RNF150: variants seen among roughly 807,000 people sequenced by gnomAD.
RNF150 encodes the protein ring finger protein 150.
RNF150 carries 24 observed loss-of-function variants against 39.3 expected under a neutral mutation model. That is an observed-to-expected ratio of 0.61 (90% confidence interval 0.44 to 0.86). RNF150 has a LOEUF of 0.86. Ranked by LOEUF, RNF150 falls within the 40% of genes least tolerant of loss-of-function variation. The pLI is 0.00. For synonymous variants in RNF150, 255 were observed against 227.3 expected, an observed-to-expected ratio of 1.12 and a Z score of -1.10; for missense variants, 502 against 587.8, an observed-to-expected ratio of 0.85 and a Z score of 1.51.
At chr4:141,008,185 T>C (rs1009254118) in intron 1 of RNF150, among the ~76,000 whole-genome samples, 2 of 152,258 alleles carry the variant, frequency 1.3e-5, no homozygotes, top group East Asian at 1.9e-4. Context: ...TTTCAATGTA[T>C]ACTTGAAAAT....
chr4:140,943,306 A>G (rs1732159025), intron 4 of RNF150, among the ~76,000 whole-genome samples: 1 of 152,254 alleles, frequency 6.6e-6, no homozygotes, highest in South Asian at 2.1e-4. Flanking sequence ...TGAAAAGAAC[A>G]GGATAGTAAA....
intron 1 of RNF150, among the ~76,000 whole-genome samples, chr4:140,999,972 GAAGAAAAGAAGAAAAGAA>G (rs1734545543): frequency 3.3e-5 from 1 of 30,010 alleles, no homozygotes; most frequent in Admixed American, 6.4e-4. Context: ...AGAAGAAGAA[GAAGAAAAGAAGAAAAGAA>G]GAAAAGAAGA....
chr4:141,059,482 T>A (rs1737126495), intron 1 of RNF150, among the ~76,000 whole-genome samples: 1 of 152,200 alleles, frequency 6.6e-6, no homozygotes, highest in South Asian at 2.1e-4. Flanking sequence ...TGTGCTTGAA[T>A]CAGAAGTTTG....
intron 1 of RNF150, among the ~76,000 whole-genome samples, chr4:141,184,875 G>T (rs1560771987): frequency 6.6e-6 from 1 of 151,514 alleles, no homozygotes; most frequent in African/African-American, 2.4e-5. Flanking sequence ...ATCTGTGTGT[G>T]TGTGTGTGTG....
At chr4:141,082,902 A>G (rs1053545309) in intron 1 of RNF150, among the ~76,000 whole-genome samples, 2 of 152,220 alleles carry the variant, frequency 1.3e-5, no homozygotes, top group Non-Finnish European at 2.9e-5. Context: ...TATCATGCCC[A>G]ATATATTTCT....
Position 140,860,074 on chromosome 4 carries a change from G to T in RNF150, c.*8187C>A, listed in dbSNP as rs1431688337. On this transcript the variant is annotated 3_prime_UTR_variant, in exon 7 of 7. Transcript: ENST00000515673. ...ACGCTCTCCAAGTACAAAGAGAATA[G>T]AATAAAGCAAAATAAAAGTCTGTGT... 6.7e-6 allele frequency: 1 copy of T among 149,726 alleles called. No individual in the cohort carries two copies. Among genetic ancestry groups the T allele is most frequent in the Non-Finnish European group, 1.5e-5 (1 of 67,586 alleles). The allele number at this position is 149,726 out of a possible 1,614,324, so 9.3% of individuals were successfully genotyped here. A position where few individuals can be genotyped will look rare whatever the true frequency, so the allele number is the denominator to read the frequency against.
At chr4:140,896,247 T>C (rs1332960027) in intron 6 of RNF150, among the ~76,000 whole-genome samples, 3 of 14,670 alleles carry the variant, frequency 2.0e-4, no homozygotes, top group African/African-American at 8.0e-4. Context: ...CGTATGTTTA[T>C]TGCGGCACTA....
At chr4:141,154,780 T>C (rs62324940) in intron 1 of RNF150, among the ~76,000 whole-genome samples, 1 of 152,072 alleles carries the variant, frequency 6.6e-6, no homozygotes, top group Non-Finnish European at 1.5e-5. Flanking sequence ...AGAACACAAA[T>C]TGGTAGAGAT....
intron 1 of RNF150, among the ~76,000 whole-genome samples, chr4:141,003,293 C>T (rs1483285384): frequency 6.6e-6 from 1 of 152,080 alleles, no homozygotes; most frequent in Non-Finnish European, 1.5e-5. Context: ...TGGAAAAGTA[C>T]ATGTACTCGT....
rs147436589 is a variant in RNF150, at chr4:141,003,790, T to G, written c.485-35917A>C. 2.6e-4 allele frequency among the ~76,000 whole-genome samples: 40 copies of G among 152,262 alleles called. No homozygotes were observed. In the East Asian group the frequency reaches 6.9e-3, roughly 26 times the overall value. On this transcript the variant is annotated intron_variant, in intron 1 of 6. Transcript: ENST00000515673. ...ATAGAAGTTAAGAATTTTATCCCCA[T>G]TTTTGCCCAGCACTCTATTTACATT...
intron 1 of RNF150, among the ~76,000 whole-genome samples, chr4:141,094,985 A>C (rs936570668): frequency 1.4e-4 from 21 of 152,230 alleles, no homozygotes; most frequent in African/African-American, 4.6e-4. Context: ...TTCCCACTTA[A>C]CAACGAGAAA....
At chr4:140,985,896 A>C (rs758868531) in intron 1 of RNF150, among the ~76,000 whole-genome samples, 7 of 152,110 alleles carry the variant, frequency 4.6e-5, no homozygotes, top group Non-Finnish European at 1.0e-4. Context: ...AGAACTGTTC[A>C]GTCAGTTTAT....
At chr4:140,878,164 G>GTTTTTTTTTT (rs58338048) in intron 6 of RNF150, among the ~76,000 whole-genome samples, 1 of 90,504 alleles carries the variant, frequency 1.1e-5, no homozygotes, top group African/African-American at 4.0e-5. Context: ...ATCTCATTGT[G>GTTTTTTTTTT]TTTTTTTTTT....
chr4:140,919,128 G>C (rs1296530502), intron 5 of RNF150, among the ~76,000 whole-genome samples: 2 of 145,144 alleles, frequency 1.4e-5, no homozygotes, highest in East Asian at 2.2e-4. Flanking sequence ...ACTGGCACAA[G>C]ACAGGGATGC....
intron 1 of RNF150, among the ~76,000 whole-genome samples, chr4:141,008,063 T>C (rs1734936876): frequency 6.6e-6 from 1 of 152,198 alleles, no homozygotes; most frequent in South Asian, 2.1e-4. Context: ...GGATTGGAGA[T>C]GTACTGGAAG....
chr4:140,871,567 G>T (rs1470279260), intron 6 of RNF150, among the ~76,000 whole-genome samples: 1 of 151,902 alleles, frequency 6.6e-6, no homozygotes, highest in Non-Finnish European at 1.5e-5. Context: ...AAAATTTTCA[G>T]CTCACAATTA....
chr4:141,178,697 C>A (rs546782891), intron 1 of RNF150, among the ~76,000 whole-genome samples: 16 of 152,064 alleles, frequency 1.1e-4, no homozygotes, highest in Non-Finnish European at 1.9e-4. Context: ...ATGGTGCTGA[C>A]AAGGGCCAGG....
chr4:140,960,109 T>C (rs781732157), intron 2 of RNF150, among the ~76,000 whole-genome samples: 1 of 151,704 alleles, frequency 6.6e-6, no homozygotes, highest in Non-Finnish European at 1.5e-5. Context: ...TCCAAATTCT[T>C]GATACTCTAG....
intron 1 of RNF150, among the ~76,000 whole-genome samples, chr4:141,157,524 G>A (rs1040472919): frequency 8.5e-5 from 13 of 152,178 alleles, no homozygotes; most frequent in African/African-American, 3.1e-4. Context: ...CAGTGAATTA[G>A]CCAGACTAGG....
Sources: gnomAD v4.1 joint callset for allele counts (sites outside exome capture counted in the v4.1 genomes callset) on GRCh38, gnomAD v4.1.1 for gene constraint, MANE v1.5 for transcripts, NCBI Gene and HGNC (gene_info 2026-07-23, HGNC 2026-07-21) for gene names.